RARB: variants seen among roughly 807,000 people sequenced by gnomAD.
RARB encodes the protein retinoic acid receptor beta, also known as HBV-activated protein.
Under a neutral mutation model 51.9 loss-of-function variants are expected in RARB, and 17 were observed. That is an observed-to-expected ratio of 0.33 (90% CI 0.22 to 0.49). RARB has a LOEUF of 0.49. Among genes scored for constraint, RARB ranks in the 20% least tolerant of loss-of-function variants. The pLI is 0.99. For missense variants in RARB, 369 were observed against 550.8 expected, an observed-to-expected ratio of 0.67 and a Z score of 3.30; for synonymous variants, 215 against 195.4, an observed-to-expected ratio of 1.10 and a Z score of -0.84.
rs1430599627 is a variant in RARB, at chr3:25,186,926, T to TGTGTGG, written c.178+12356_178+12357insGGTGTG. Among the ~76,000 whole-genome samples, 4 of 151,258 alleles carry TGTGTGG rather than the reference T, an allele frequency of 2.6e-5. No individual in the cohort carries two copies. The Admixed American group carries it at 2.7e-4, about 10-fold the overall frequency. On this transcript the variant is annotated intron_variant, in intron 5 of 11. Coordinates refer to the RARB transcript ENST00000383772. The stretch of plus-strand genomic sequence containing the variant: ...GTGTGTGTGTGTGTGTGTGTGTGTG[T>TGTGTGG]GTGTGTGTGTGTGTTTTCCTGCTAA...
chr3:25,083,531 G>T lies in RARB; in HGVS notation c.-328+23355G>T, dbSNP rs138119739. On this transcript the variant is annotated intron_variant, in intron 3 of 11. Coordinates refer to the RARB transcript ENST00000383772. ...ATTTGTCTGTTGGGGTTTGCCATTT[G>T]TTAACTCATTATGTCCATCTTTTAT... 9.9e-3 allele frequency among the ~76,000 whole-genome samples: 1,501 copies of T among 152,006 alleles called. 20 individuals carry two copies. Among genetic ancestry groups the T allele is most frequent in the African/African-American group, 0.035 (1,432 of 41,478 alleles).
chr3:24,965,332 A>G (rs1696232648), intron 2 of RARB, among the ~76,000 whole-genome samples: 1 of 152,228 alleles, frequency 6.6e-6, no homozygotes, highest in Non-Finnish European at 1.5e-5. Flanking sequence ...AAATGTCAAA[A>G]TATTTGAAAC....
chr3:24,985,065 G>A (rs1450595444), intron 2 of RARB, among the ~76,000 whole-genome samples: 1 of 152,098 alleles, frequency 6.6e-6, no homozygotes, highest in South Asian at 2.1e-4. Flanking sequence ...TATTTATTTG[G>A]CTCTCTCAGT....
intron 3 of RARB, among the ~76,000 whole-genome samples, chr3:25,543,958 G>T (rs534010195): frequency 6.6e-6 from 1 of 152,146 alleles, no homozygotes; most frequent in East Asian, 1.9e-4. Flanking sequence ...TGAAAAATGT[G>T]TGTAATCATG....
At chr3:25,527,451 T>G (rs189269529) in intron 3 of RARB, among the ~76,000 whole-genome samples, 1 of 152,328 alleles carries the variant, frequency 6.6e-6, no homozygotes, top group East Asian at 1.9e-4. Flanking sequence ...ACCAATTTCC[T>G]TTAGGATAGA....
chr3:25,220,715 C>T (rs1701929349), intron 5 of RARB, among the ~76,000 whole-genome samples: 1 of 152,176 alleles, frequency 6.6e-6, no homozygotes, highest in Non-Finnish European at 1.5e-5. Flanking sequence ...CCTGAGGCCT[C>T]CCAAGCCATA....
At chr3:24,862,820 C>G (rs960147003) in intron 2 of RARB, among the ~76,000 whole-genome samples, 11 of 152,126 alleles carry the variant, frequency 7.2e-5, no homozygotes, top group Admixed American at 7.2e-4. Context: ...CCTTCGGCAG[C>G]CTAGAGTTAC....
At chr3:25,440,631 C>T (rs566495460) in intron 1 of RARB, among the ~76,000 whole-genome samples, 37 of 151,676 alleles carry the variant, frequency 2.4e-4, no homozygotes, top group Admixed American at 2.0e-3. Context: ...ATTAGCTGGG[C>T]GTGGTGGTGC....
At chr3:25,166,314 A>G (rs761445851) in intron 4 of RARB, among the ~76,000 whole-genome samples, 2 of 152,200 alleles carry the variant, frequency 1.3e-5, no homozygotes, top group Admixed American at 6.5e-5. Context: ...TTTCTTTTCT[A>G]TCAAGAACAG....
At chr3:25,131,277 T>A (rs1054336810) in intron 3 of RARB, among the ~76,000 whole-genome samples, 1 of 152,006 alleles carries the variant, frequency 6.6e-6, no homozygotes, top group Non-Finnish European at 1.5e-5. Flanking sequence ...TGGCTTCCCC[T>A]GAGTTCCTAA....
intron 4 of RARB, among the ~76,000 whole-genome samples, chr3:25,142,054 G>C (rs184794061): frequency 1.3e-5 from 2 of 152,218 alleles, no homozygotes; most frequent in African/African-American, 4.8e-5. Context: ...CATCTTGGCC[G>C]TGTGCGGTGG....
chr3:24,882,006 T>C (rs1222085124), intron 2 of RARB, among the ~76,000 whole-genome samples: 2 of 152,190 alleles, frequency 1.3e-5, no homozygotes, highest in East Asian at 1.9e-4. Flanking sequence ...CTATAGATTA[T>C]ATGAATATTG....
At chr3:25,115,015 A>G (rs115768964) in intron 3 of RARB, among the ~76,000 whole-genome samples, 141 of 152,324 alleles carry the variant, frequency 9.3e-4, no homozygotes, top group Middle Eastern at 6.8e-3. Flanking sequence ...GATGATAATT[A>G]CTTTAAAAAA....
intron 2 of RARB, among the ~76,000 whole-genome samples, chr3:25,018,041 G>A (rs552046300): frequency 6.6e-6 from 1 of 152,144 alleles, no homozygotes; most frequent in Non-Finnish European, 1.5e-5. Flanking sequence ...CTCCAGAACT[G>A]TGAGAAGTAA....
chr3:25,234,575 A>T (rs751151173), intron 5 of RARB, among the ~76,000 whole-genome samples: 3 of 151,856 alleles, frequency 2.0e-5, no homozygotes, highest in Non-Finnish European at 4.4e-5. Flanking sequence ...CTTGGGGGTG[A>T]ACCTGGAACC....
At chr3:25,378,200 G>A (rs528787298) in intron 5 of RARB, among the ~76,000 whole-genome samples, 1 of 152,158 alleles carries the variant, frequency 6.6e-6, no homozygotes, top group African/African-American at 2.4e-5. Flanking sequence ...GCATGCACGA[G>A]GGTATTTTGC....
At chr3:25,336,084 A>T (rs929612648) in intron 5 of RARB, among the ~76,000 whole-genome samples, 3 of 151,780 alleles carry the variant, frequency 2.0e-5, no homozygotes, top group Non-Finnish European at 1.5e-5. Flanking sequence ...AAAAAAAAAC[A>T]TTCAAAGCAT....
chr3:25,541,075 A>G (rs933155093), intron 3 of RARB, among the ~76,000 whole-genome samples: 1 of 152,256 alleles, frequency 6.6e-6, no homozygotes, highest in African/African-American at 2.4e-5. Context: ...TTTTTTTGGA[A>G]CACAACCATG....
intron 5 of RARB, among the ~76,000 whole-genome samples, chr3:25,340,603 C>G (rs1218367900): frequency 6.6e-6 from 1 of 152,110 alleles, no homozygotes; most frequent in African/African-American, 2.4e-5. Context: ...CTTTTTTTCT[C>G]CATTTAAAGT....
Sources: gnomAD v4.1 joint callset for allele counts (sites outside exome capture counted in the v4.1 genomes callset) on GRCh38, gnomAD v4.1.1 for gene constraint, MANE v1.5 for transcripts, NCBI Gene and HGNC (gene_info 2026-07-23, HGNC 2026-07-21) for gene names.